KANK1: variants seen among roughly 807,000 people sequenced by gnomAD.
KANK1 encodes the protein KN motif and ankyrin repeat domains 1.
KANK1 carries 109 observed loss-of-function variants against 106.2 expected under a neutral mutation model. That is an observed-to-expected ratio of 1.03 (90% confidence interval 0.88 to 1.20). The LOEUF (loss-of-function observed/expected upper bound fraction) is 1.20, where lower values mean the gene tolerates loss of function less well. Ranked by LOEUF, KANK1 falls within the 50% of genes most tolerant of loss-of-function variation. The probability of loss-of-function intolerance (pLI) is 0.00; values close to 1 mark genes in which losing one functional copy is unlikely to be tolerated. For missense variants in KANK1, 2,399 were observed against 1,710.7 expected (o/e 1.40, Z -7.10); for synonymous variants, 873 against 652.2 (o/e 1.34, Z -5.16).
chr9:618,135 C>A (rs1168018119), intron 1 of KANK1, among the ~76,000 whole-genome samples: 1 of 152,194 alleles, frequency 6.6e-6, no homozygotes, highest in East Asian at 1.9e-4. Context: ...ACAAAATATA[C>A]AGGTTAAAGC....
chr9:523,678 C>G (rs542583804), intron 1 of KANK1, among the ~76,000 whole-genome samples: 1 of 151,624 alleles, frequency 6.6e-6, no homozygotes, highest in Non-Finnish European at 1.5e-5. Flanking sequence ...TGCACTGGCT[C>G]CTTCCTGGGG....
intron 3 of KANK1, among the ~76,000 whole-genome samples, chr9:722,749 G>A (rs1004612764): frequency 1.3e-5 from 2 of 152,200 alleles, no homozygotes; most frequent in African/African-American, 4.8e-5. Flanking sequence ...TTCCTTACCA[G>A]TTAAGCCTCA....
Position 730,650 on chromosome 9 carries a change from G to A in KANK1, c.2896+402G>A, listed in dbSNP as rs371505193. 9.8e-5 allele frequency: 23 copies of A among 234,768 alleles called. 1 individual carries two copies. Among genetic ancestry groups the A allele is most frequent in the African/African-American group, 4.7e-4 (20 of 42,848 alleles). The allele number at this position is 234,768 out of a possible 1,614,324, so 14.5% of individuals were successfully genotyped here. A position where few individuals can be genotyped will look rare whatever the true frequency, so the allele number is the denominator to read the frequency against. On this transcript the variant is annotated intron_variant, in intron 4 of 11. Coordinates refer to ENST00000382297, the MANE Select transcript of KANK1 (RefSeq NM_015158.5). ...GGAGGTTGCAGTGAGCTGAGATCAC[G>A]CCACTGCACTCCAGCCTGGGTGACA...
intron 2 of KANK1, chr9:681,179 A>G (rs1039917535): frequency 6.6e-6 from 1 of 152,420 alleles, no homozygotes; most frequent in South Asian, 2.1e-4. Flanking sequence ...TGATGGTACC[A>G]CTGCACTCCA....
Position 744,512 on chromosome 9 carries a change from A to G in KANK1, c.3919A>G (p.Ile1307Val), listed in dbSNP as rs751377528. Residue 1307 changes from isoleucine (I) to valine (V), a missense_variant, in exon 11 of 12, where the codon ATC becomes GTC. Physicochemically the swap from Ile to Val is conservative, Grantham distance 29 (BLOSUM62 3). Transcript: ENST00000382297. The part of the protein sequence containing the change: ...EDNDGSTALS[I>V]ALEAGHKDIA... ...TAAGGATGGCAGCACTGCGCTCTCAATCGCCCTGGAAGCAGGACACAAGGA... is the reference window on the plus strand; with the variant it reads ...TAAGGATGGCAGCACTGCGCTCTCAGTCGCCCTGGAAGCAGGACACAAGGA... The G allele has an allele frequency of 1.4e-5, 22 of 1,613,946 alleles. No individual in the cohort carries two copies. Among genetic ancestry groups the G allele is most frequent in the South Asian group, 5.5e-5 (5 of 91,054 alleles).
At chr9:525,237 C>A (rs1446306849) in intron 1 of KANK1, among the ~76,000 whole-genome samples, 1 of 150,042 alleles carries the variant, frequency 6.7e-6, no homozygotes, top group African/African-American at 2.5e-5. Flanking sequence ...TCAGGTAATC[C>A]ACCCACCTTG....
intron 1 of KANK1, among the ~76,000 whole-genome samples, chr9:553,940 C>G (rs1199647229): frequency 6.6e-6 from 1 of 152,202 alleles, no homozygotes; most frequent in Non-Finnish European, 1.5e-5. Context: ...TTTGGGTCCT[C>G]TGGAGCATTA....
chr9:679,508 G>C (rs1817092193), intron 2 of KANK1, among the ~76,000 whole-genome samples: 1 of 152,098 alleles, frequency 6.6e-6, no homozygotes, highest in South Asian at 2.1e-4. Context: ...TCTGCCTCCT[G>C]GGTTCAAGTG....
intron 3 of KANK1, among the ~76,000 whole-genome samples, chr9:490,533 T>C (rs1040105292): frequency 5.9e-5 from 9 of 151,908 alleles, no homozygotes; most frequent in African/African-American, 1.9e-4. Flanking sequence ...ATAATAACAA[T>C]AGGCAAACAT....
intron 1 of KANK1, chr9:539,455 C>A (rs1439428847): frequency 6.6e-6 from 1 of 152,120 alleles, no homozygotes; most frequent in African/African-American, 2.4e-5. Context: ...GCATACAGAT[C>A]TTTCACCTCC....
intron 1 of KANK1, among the ~76,000 whole-genome samples, chr9:664,077 G>C (rs1371065388): frequency 1.3e-5 from 2 of 152,170 alleles, no homozygotes; most frequent in Non-Finnish European, 2.9e-5. Context: ...CAGTTACCCT[G>C]ATTCTGTTCT....
intron 1 of KANK1, among the ~76,000 whole-genome samples, chr9:656,262 A>T (rs779581200): frequency 9.9e-5 from 15 of 152,140 alleles, no homozygotes; most frequent in Non-Finnish European, 2.1e-4. Flanking sequence ...GCCTGTTCAG[A>T]AGGAGAGAGG....
intron 1 of KANK1, among the ~76,000 whole-genome samples, chr9:553,635 C>G (rs1786050996): frequency 6.6e-6 from 1 of 152,248 alleles, no homozygotes; most frequent in Non-Finnish European, 1.5e-5. Context: ...GAAGCGTTTC[C>G]TTATAAACTG....
chr9:700,573 T>G (rs1186168828), intron 2 of KANK1, among the ~76,000 whole-genome samples: 1 of 152,194 alleles, frequency 6.6e-6, no homozygotes, highest in Non-Finnish European at 1.5e-5. Flanking sequence ...GGGATCTTTT[T>G]GACTGCTTTG....
In KANK1 at chr9:711,804, C is replaced by T; in HGVS notation, c.1038C>T (p.Tyr346=). The change falls in exon 3 of 12, where the codon TAC becomes TAT. Residue 346 remains tyrosine (Y), a synonymous_variant. Transcript: ENST00000382297. ...SRARRSGGEL[Y]IDYEEEEMET... is the part of the protein sequence containing the mutation. ...CCCGAAGAAGTGGCGGGGAATTATA[C>T]ATTGACTATGAGGAGGAAGAAATGG... The T allele has an allele frequency of 6.2e-7, 1 of 1,614,054 alleles. No homozygotes were observed. Among genetic ancestry groups the T allele is most frequent in the Non-Finnish European group, 8.5e-7 (1 of 1,180,014 alleles).
At chr9:662,713 G>C (rs1290502446) in intron 1 of KANK1, among the ~76,000 whole-genome samples, 2 of 148,190 alleles carry the variant, frequency 1.3e-5, no homozygotes, top group Non-Finnish European at 2.9e-5. Flanking sequence ...CCAGGCTGGA[G>C]TGCAGTGGCG....
chr9:578,905 T>C (rs1821299445), intron 1 of KANK1, among the ~76,000 whole-genome samples: 1 of 152,182 alleles, frequency 6.6e-6, no homozygotes, highest in South Asian at 2.1e-4. Flanking sequence ...AGCTTATCCA[T>C]GGGGAGGGGA....
At chr9:639,397 ACCT>A (rs1237517117) in intron 1 of KANK1, among the ~76,000 whole-genome samples, 1 of 151,792 alleles carries the variant, frequency 6.6e-6, no homozygotes, top group Non-Finnish European at 1.5e-5. Flanking sequence ...ACGATCTGCA[ACCT>A]CCTCCTCCCT....
intron 1 of KANK1, among the ~76,000 whole-genome samples, chr9:539,097 T>A (rs940849346): frequency 2.4e-4 from 37 of 152,156 alleles, no homozygotes; most frequent in African/African-American, 8.9e-4. Context: ...GCCCAGCTGG[T>A]CTTGAACTCC....
Sources: gnomAD v4.1 joint callset for allele counts (sites outside exome capture counted in the v4.1 genomes callset) on GRCh38, gnomAD v4.1.1 for gene constraint, MANE v1.5 for transcripts, NCBI Gene and HGNC (gene_info 2026-07-23, HGNC 2026-07-21) for gene names.